The following RFX4 variants were observed in gnomAD, a reference collection of about 807,000 sequenced individuals.
The protein encoded by RFX4 is transcription factor RFX4.
A neutral mutation model predicts 95.0 loss-of-function variants in RFX4; 10 were observed. The observed-to-expected ratio is 0.11, with a 90% confidence interval of 0.06 to 0.18. RFX4 has a LOEUF of 0.18. Among genes scored for constraint, RFX4 ranks in the 10% least tolerant of loss-of-function variants. RFX4 has a pLI of 1.00. For missense variants in RFX4, 640 were observed against 922.0 expected (o/e 0.69, Z 3.96); for synonymous variants, 321 against 340.7 (o/e 0.94, Z 0.64).
chr12:106,667,031 C>T (rs1431197930), intron 4 of RFX4, among the ~76,000 whole-genome samples: 1 of 151,850 alleles, frequency 6.6e-6, no homozygotes, highest in African/African-American at 2.4e-5. Flanking sequence ...GGTGGTAAGG[C>T]GTGTTGTTGG....
At chr12:106,607,554 G>A (rs1398359137) in intron 1 of RFX4, among the ~76,000 whole-genome samples, 1 of 107,364 alleles carries the variant, frequency 9.3e-6, no homozygotes, top group African/African-American at 3.9e-5. Context: ...TTTCTGTGGT[G>A]CTAAGTATAA....
At chr12:106,744,839 G>A (rs1363151605) in intron 15 of RFX4, among the ~76,000 whole-genome samples, 1 of 152,188 alleles carries the variant, frequency 6.6e-6, no homozygotes, top group Non-Finnish European at 1.5e-5. Context: ...GGACTTTTGT[G>A]TGATGCCATT....
chr12:106,756,547 G>C (rs2043111867), intron 17 of RFX4, among the ~76,000 whole-genome samples: 1 of 145,096 alleles, frequency 6.9e-6, no homozygotes, highest in South Asian at 2.3e-4. Context: ...CTTTGGGTTG[G>C]TGTCTTGGGC....
intron 6 of RFX4, among the ~76,000 whole-genome samples, chr12:106,688,064 C>CTTTTTTTT (rs754808212): frequency 1.2e-4 from 12 of 96,232 alleles, no homozygotes; most frequent in African/African-American, 2.0e-4. Context: ...TATCACATTT[C>CTTTTTTTT]TTTTTTTTTT....
chr12:106,649,103 TA>T (rs112164587), intron 3 of RFX4, among the ~76,000 whole-genome samples: 1 of 151,844 alleles, frequency 6.6e-6, no homozygotes, highest in Non-Finnish European at 1.5e-5. Flanking sequence ...TTGTGATCAT[TA>T]AAAAAAACCC....
chr12:106,692,197 G>A (rs1592946113), intron 7 of RFX4, among the ~76,000 whole-genome samples: 1 of 151,550 alleles, frequency 6.6e-6, no homozygotes, highest in Non-Finnish European at 1.5e-5. Flanking sequence ...TAGGGGACTC[G>A]GGAACGTCTT....
At chr12:106,761,108 T>G (rs2043201339) in intron 17 of RFX4, 89 bp from the exon 18 acceptor site, 2 of 1,383,854 alleles carry the variant, frequency 1.4e-6, no homozygotes, top group Non-Finnish European at 2.0e-6. Flanking sequence ...TCTTAAGAAA[T>G]TTAACTTAAA....
Position 106,746,600 on chromosome 12 carries a change from C to T in RFX4, c.1634-837C>T, listed in dbSNP as rs144875371. Among the ~76,000 whole-genome samples, 52 of 152,062 alleles carry T rather than the reference C, an allele frequency of 3.4e-4. 2 individuals carry two copies. In the South Asian group the frequency reaches 0.01, roughly 30 times the overall value. On this transcript the variant is annotated intron_variant, in intron 15 of 17. Coordinates refer to ENST00000392842, the MANE Select transcript of RFX4 (RefSeq NM_213594.3). ...TTTAATTTTGTCAGGTTTTTATCCC[C>T]CAGTCTTTAGCACTTTCAAGGTATC... is the stretch of plus-strand genomic sequence containing the variant.
At chr12:106,612,198 A>G (rs12310706) in intron 2 of RFX4, among the ~76,000 whole-genome samples, 49,170 of 152,006 alleles carry the variant, frequency 0.32, 8,610 homozygotes, top group African/African-American at 0.46. Context: ...ATTGCTTTGG[A>G]TAGTTTTAAC....
chr12:106,682,212 C>A, intron 5 of RFX4, 158 bp downstream of exon 5: 1 of 662,670 alleles, frequency 1.5e-6, no homozygotes, highest in Non-Finnish European at 2.6e-6. Context: ...CAGGGCCCCT[C>A]TCTCAGGACT....
intron 4 of RFX4, among the ~76,000 whole-genome samples, chr12:106,671,546 C>A (rs1233882336): frequency 3.3e-5 from 5 of 152,096 alleles, no homozygotes; most frequent in African/African-American, 7.2e-5. Context: ...CCTGTTTCTT[C>A]CACTGGCCAG....
intron 13 of RFX4, among the ~76,000 whole-genome samples, chr12:106,723,403 C>T (rs1431885706): frequency 6.6e-6 from 1 of 152,166 alleles, no homozygotes; most frequent in Admixed American, 6.5e-5. Context: ...TTGGTGCCAG[C>T]GCCTTTACCT....
chr12:106,682,042 G>A lies in RFX4; in HGVS notation c.365G>A (p.Arg122Gln). The change falls in exon 5 of 18, where the codon CGA (arginine) becomes CAA (glutamine). Residue 122 changes from arginine (R) to glutamine (Q), a missense_variant. By Grantham distance (43) the Arg-to-Gln change is conservative (BLOSUM62 1). Transcript: ENST00000392842. ...TTAACCACCAGAAGACTCGGGACCC[G>A]AGGACAGTCAAAGTAAGCACCGGAC... ...PQLTTRRLGT[R>Q]GQSKYHYYGI... The A allele has an allele frequency of 6.2e-7, 1 of 1,614,148 alleles. No homozygotes were observed. Among genetic ancestry groups the A allele is most frequent in the Non-Finnish European group, 8.5e-7 (1 of 1,180,020 alleles).
At position 106,702,967 on chromosome 12, in the gene RFX4, TGGA is replaced by T. The variant is rs1304127519; in HGVS notation, c.834-6357_834-6355del. The stretch of plus-strand genomic sequence containing the variant: ...CCTCATGAACACCTGGTGAGGCCTG[TGGA>T]GGAGGGCTTGCAAATAGATGTGAAC... On this transcript the variant is annotated intron_variant, in intron 8 of 17. Transcript: ENST00000392842. 3.3e-5 allele frequency among the ~76,000 whole-genome samples: 5 copies of T among 152,214 alleles called. No homozygotes were observed. The East Asian group carries it at 9.6e-4, about 29-fold the overall frequency.
intron 16 of RFX4, among the ~76,000 whole-genome samples, chr12:106,748,945 C>G (rs1252670353): frequency 6.6e-6 from 1 of 152,002 alleles, no homozygotes; most frequent in Non-Finnish European, 1.5e-5. Context: ...ATTAGCTAGA[C>G]GTAGTGGCAC....
chr12:106,587,728 T>C (rs937175578), intron 1 of RFX4, among the ~76,000 whole-genome samples: 1 of 152,206 alleles, frequency 6.6e-6, no homozygotes, highest in African/African-American at 2.4e-5. Context: ...CTGGCTTTTC[T>C]TCCCCACGAC....
chr12:106,736,203 T>A (rs2137574549), intron 15 of RFX4, among the ~76,000 whole-genome samples: 1 of 152,290 alleles, frequency 6.6e-6, no homozygotes, highest in Admixed American at 6.5e-5. Context: ...GGGTATTCAG[T>A]CATAAAGGAG....
At position 106,636,282 on chromosome 12, in the gene RFX4, T is replaced by TG. The variant is rs1186221133; in HGVS notation, c.131-3044dup. ...GTGGGCACCTGTAATCCCAGCTACT[T>TG]GGGGGGCTGAGGCAGGAGAATCACC... On this transcript the variant is annotated intron_variant, in intron 2 of 17. Coordinates refer to ENST00000392842, the MANE Select transcript of RFX4 (RefSeq NM_213594.3). Among the ~76,000 whole-genome samples, 5 of 148,944 alleles carry TG rather than the reference T, an allele frequency of 3.4e-5. No individual in the cohort carries two copies. The South Asian group carries it at 1.1e-3, about 32-fold the overall frequency.
At chr12:106,639,291 G>A in intron 2 of RFX4, 41 bp from the exon 3 acceptor site, 1 of 1,570,800 alleles carries the variant, frequency 6.4e-7, no homozygotes, top group South Asian at 1.1e-5. Flanking sequence ...TTTTCCTACT[G>A]TTTCCTACTG....
Sources: allele counts gnomAD v4.1 joint callset (sites outside exome capture counted in the v4.1 genomes callset), GRCh38; gene constraint gnomAD v4.1.1; transcripts MANE v1.5; gene names NCBI Gene and HGNC (gene_info 2026-07-23, HGNC 2026-07-21).